Variants in PKHD1L1 observed in about 807,000 individuals in gnomAD.
PKHD1L1 encodes the protein PKHD1 like 1.
A neutral mutation model predicts 462.9 loss-of-function variants in PKHD1L1; 434 were observed. The observed-to-expected ratio is 0.94, with a 90% CI of 0.87 to 1.02. The LOEUF is 1.02. PKHD1L1 is among the 50% of genes least tolerant of loss of function. The probability of loss-of-function intolerance (pLI) is 0.00; values close to 1 mark genes in which losing one functional copy is unlikely to be tolerated. For synonymous variants in PKHD1L1, 1,781 were observed against 1,750.0 expected (o/e 1.02, Z -0.44); for missense variants, 5,202 against 5,096.1 (o/e 1.02, Z -0.63).
In PKHD1L1 at chr8:109,454,915, T is replaced by A. The variant is rs559185956; in HGVS notation, c.6874+63T>A. On this transcript the variant is annotated intron_variant, in intron 45 of 77. Transcript: ENST00000378402. ...AGACTCACCAGGACACCAGGGATAA[T>A]TATCCTGTGATAATTATAATTTATC... 4.0e-6 allele frequency: 6 copies of A among 1,518,264 alleles called. No homozygotes were observed. In the South Asian group the frequency reaches 7.7e-5, roughly 19 times the overall value. The allele number at this position is 1,518,264 out of a possible 1,614,324, so 94.0% of individuals were successfully genotyped here. A position where few individuals can be genotyped will look rare whatever the true frequency, so the allele number is the denominator to read the frequency against.
intron 9 of PKHD1L1, among the ~76,000 whole-genome samples, chr8:109,391,193 G>A (rs542874886): frequency 1.3e-5 from 2 of 152,246 alleles, no homozygotes; most frequent in Admixed American, 1.3e-4. Context: ...AGGATAAACC[G>A]AGTGTTATCA....
intron 2 of PKHD1L1, among the ~76,000 whole-genome samples, chr8:109,373,697 A>G (rs569308197): frequency 2.5e-4 from 38 of 152,286 alleles, no homozygotes; most frequent in African/African-American, 8.7e-4. Flanking sequence ...AGATTCTGGT[A>G]TGTTGTGTCT....
intron 67 of PKHD1L1, chr8:109,499,087 T>A: frequency 4.3e-6 from 1 of 230,670 alleles, no homozygotes; most frequent in Non-Finnish European, 8.5e-6. Flanking sequence ...TATATTATCA[T>A]CCCTTTTTAA....
intron 29 of PKHD1L1, 73 bp downstream of exon 29, chr8:109,435,427 AGG>A: frequency 1.4e-6 from 2 of 1,473,304 alleles, no homozygotes; most frequent in Non-Finnish European, 1.8e-6. Context: ...TTTCTAGTAC[AGG>A]GTGAAGGGAG....
At chr8:109,409,288 C>T (rs1487967059) in intron 18 of PKHD1L1, among the ~76,000 whole-genome samples, 1 of 151,612 alleles carries the variant, frequency 6.6e-6, no homozygotes, top group Non-Finnish European at 1.5e-5. Flanking sequence ...CTCACTCTGT[C>T]ACCAGGCTGG....
intron 38 of PKHD1L1, among the ~76,000 whole-genome samples, chr8:109,446,027 A>G (rs1290345264): frequency 6.6e-6 from 1 of 152,212 alleles, no homozygotes; most frequent in Non-Finnish European, 1.5e-5. Context: ...AGAGTGTTTC[A>G]GAGTACCTTA....
At position 109,406,436 on chromosome 8, in the gene PKHD1L1, C is replaced by A. The variant is rs776535259; in HGVS notation, c.1771C>A (p.Pro591Thr). 1.6e-5 allele frequency: 26 copies of A among 1,600,740 alleles called. No individual in the cohort carries two copies. In the East Asian group the frequency reaches 5.6e-4, roughly 35 times the overall value. ...AGTTCAAGTAATAAGAACACAAAAT[C>A]CCCAGAGCTATGTCTACATGGTAAC... Reference protein sequence around the residue: ...DTVQVIRTQNPQSYVYMVTFI... With the variant: ...DTVQVIRTQNTQSYVYMVTFI... Residue 591 changes from proline (P) to threonine (T), a missense_variant, in exon 17 of 78, where the codon CCC becomes ACC. Pro to Thr is a conservative substitution (Grantham distance 38). Transcript: ENST00000378402.
intron 50 of PKHD1L1, chr8:109,470,591 A>C: frequency 6.3e-7 from 1 of 1,583,596 alleles, no homozygotes; most frequent in Non-Finnish European, 8.6e-7. Context: ...GAGCCTACTG[A>C]TGTTGTTGAT....
intron 50 of PKHD1L1, among the ~76,000 whole-genome samples, chr8:109,471,983 C>T (rs1422373727): frequency 6.6e-6 from 1 of 151,970 alleles, no homozygotes; most frequent in Non-Finnish European, 1.5e-5. Flanking sequence ...AACGTGCTCA[C>T]TGTATATAGG....
At position 109,532,744 on chromosome 8, in the gene PKHD1L1, T is replaced by G. The variant is rs1288588190; in HGVS notation, c.*2654T>G. On this transcript the variant is annotated 3_prime_UTR_variant, in exon 78 of 78. Coordinates refer to ENST00000378402, the MANE Select transcript of PKHD1L1 (RefSeq NM_177531.6). ...TTATATCTTGTACTACTGTCTCTAC[T>G]CATTCCTAAATTCCATCACCTTGTG... 6.6e-6 allele frequency among the ~76,000 whole-genome samples: 1 copy of G among 152,250 alleles called. No individual in the cohort carries two copies. The highest frequency in any genetic ancestry group is 2.4e-5 in the African/African-American group (1 of 41,462).
At chr8:109,385,509 T>C (rs7016085) in intron 5 of PKHD1L1, 28 bp from the exon 6 acceptor site, 475,576 of 1,437,536 alleles carry the variant, frequency 0.33, 82,010 homozygotes, top group Admixed American at 0.5. Flanking sequence ...TTACACAGAA[T>C]CTTTTTGGGG....
intron 15 of PKHD1L1, 77 bp downstream of exon 15, chr8:109,404,790 T>G: frequency 7.3e-7 from 1 of 1,368,274 alleles, no homozygotes; most frequent in Non-Finnish European, 9.8e-7. Flanking sequence ...TTAATTTTAC[T>G]AGGTAAGATA....
intron 36 of PKHD1L1, 80 bp downstream of exon 36, chr8:109,443,196 A>ACTGGCTCAGTTAT: frequency 7.6e-7 from 1 of 1,321,658 alleles, no homozygotes; most frequent in Non-Finnish European, 1.1e-6. Context: ...GTAGCAGATA[A>ACTGGCTCAGTTAT]CTGGGTCTAA....
chr8:109,392,485 A>G (rs952075619), intron 9 of PKHD1L1, among the ~76,000 whole-genome samples: 11 of 152,162 alleles, frequency 7.2e-5, no homozygotes, highest in Non-Finnish European at 1.6e-4. Context: ...CTCAATTTAT[A>G]ATTCCACCCC....
At chr8:109,402,586 G>C (rs183313333) in intron 14 of PKHD1L1, among the ~76,000 whole-genome samples, 228 of 152,232 alleles carry the variant, frequency 1.5e-3, no homozygotes, top group African/African-American at 5.2e-3. Flanking sequence ...GAGTCCTAAT[G>C]CACACACACT....
In PKHD1L1 at chr8:109,425,049, T is replaced by C. The variant is rs375970570; in HGVS notation, c.2698-36T>C. ...AGAAATCATGTAAGCCATTGTTAAG[T>C]TTAATCATTTTATCAATATTTATTT... On this transcript the variant is annotated intron_variant, in intron 23 of 77. Coordinates refer to ENST00000378402, the MANE Select transcript of PKHD1L1 (RefSeq NM_177531.6). 2.7e-5 allele frequency: 40 copies of C among 1,481,864 alleles called. 1 individual carries two copies. The African/African-American group carries it at 5.5e-4, about 20-fold the overall frequency. The allele number at this position is 1,481,864 out of a possible 1,614,324, so 91.8% of individuals were successfully genotyped here.
chr8:109,451,222 C>A, intron 41 of PKHD1L1, 73 bp downstream of exon 41: 1 of 1,445,754 alleles, frequency 6.9e-7, no homozygotes, highest in Non-Finnish European at 9.3e-7. Flanking sequence ...TTCTCCTATG[C>A]CCGGACAGTG....
chr8:109,445,774 C>G (rs1310589592), intron 38 of PKHD1L1, 129 bp downstream of exon 38: 2 of 990,392 alleles, frequency 2.0e-6, no homozygotes, highest in Admixed American at 2.8e-5. Context: ...CACTTAATAC[C>G]TGGGATTCAA....
At chr8:109,389,862 T>C (rs930166503) in intron 8 of PKHD1L1, among the ~76,000 whole-genome samples, 1 of 152,158 alleles carries the variant, frequency 6.6e-6, no homozygotes, top group Non-Finnish European at 1.5e-5. Flanking sequence ...CCCTCTCTTC[T>C]GTCTCAGGCC....
Sources: allele counts gnomAD v4.1 joint callset (sites outside exome capture counted in the v4.1 genomes callset), GRCh38; gene constraint gnomAD v4.1.1; transcripts MANE v1.5; gene names NCBI Gene and HGNC (gene_info 2026-07-23, HGNC 2026-07-21).